PTPRG: variants seen among roughly 807,000 people sequenced by gnomAD.
The protein encoded by PTPRG is protein tyrosine phosphatase receptor type G, also known as receptor-type tyrosine-protein phosphatase gamma.
In PTPRG, 102 loss-of-function variants were observed where a neutral mutation model predicts 165.3. The observed-to-expected ratio is 0.62, with a 90% CI of 0.53 to 0.73. The LOEUF (loss-of-function observed/expected upper bound fraction) is 0.73, where lower values mean the gene tolerates loss of function less well. PTPRG is among the 30% of genes least tolerant of loss of function. The probability of loss-of-function intolerance (pLI) is 0.00; values close to 1 mark genes in which losing one functional copy is unlikely to be tolerated. For synonymous variants in PTPRG, 675 were observed against 669.5 expected, an observed-to-expected ratio of 1.01 and a Z score of -0.13; for missense variants, 1,866 against 1,861.4, an observed-to-expected ratio of 1.00 and a Z score of -0.05.
chr3:61,658,674 G>A (rs992262977), intron 1 of PTPRG, among the ~76,000 whole-genome samples: 2 of 152,042 alleles, frequency 1.3e-5, no homozygotes, highest in Non-Finnish European at 2.9e-5. Flanking sequence ...CAAGTTCTTT[G>A]CGAGTTAAGG....
intron 1 of PTPRG, among the ~76,000 whole-genome samples, chr3:61,732,508 C>T (rs969943113): frequency 1.3e-5 from 2 of 149,812 alleles, no homozygotes; most frequent in Non-Finnish European, 2.9e-5. Context: ...ACCCGGGAGG[C>T]GGAGCTTGCA....
chr3:62,065,340 C>T (rs917147602), intron 4 of PTPRG, among the ~76,000 whole-genome samples: 13 of 152,148 alleles, frequency 8.5e-5, no homozygotes, highest in Admixed American at 3.9e-4. Flanking sequence ...GGTTGTGTAC[C>T]GCATGAGACC....
At chr3:61,883,139 G>A (rs950232660) in intron 2 of PTPRG, among the ~76,000 whole-genome samples, 4 of 152,198 alleles carry the variant, frequency 2.6e-5, no homozygotes, top group African/African-American at 7.2e-5. Context: ...TGTCCTTGGG[G>A]ACTTTTTCCT....
At chr3:61,608,244 TAGGGAGAAGCTGAGCAGCA>T (rs1293091192) in intron 1 of PTPRG, among the ~76,000 whole-genome samples, 43 of 151,974 alleles carry the variant, frequency 2.8e-4, no homozygotes, top group Middle Eastern at 3.4e-3. Context: ...GCTGAGCAGC[TAGGGAGAAGCTGAGCAGCA>T]AGGGAGAAGC....
intron 1 of PTPRG, among the ~76,000 whole-genome samples, chr3:61,666,158 A>C (rs1183962278): frequency 6.6e-6 from 1 of 152,194 alleles, no homozygotes; most frequent in East Asian, 1.9e-4. Context: ...ATAAACTCCC[A>C]GATGCTCGAT....
At chr3:61,598,577 C>T (rs1017241433) in intron 1 of PTPRG, among the ~76,000 whole-genome samples, 1 of 152,120 alleles carries the variant, frequency 6.6e-6, no homozygotes, top group Admixed American at 6.5e-5. Context: ...GGGACCAGTG[C>T]CCAAGAGATG....
In PTPRG at chr3:62,049,120, C is replaced by CAA. The variant is rs200692890; in HGVS notation, c.520-29033_520-29032dup. Among the ~76,000 whole-genome samples the CAA allele has an allele frequency of 8.9e-3, 1,219 of 136,552 alleles. 18 individuals carry two copies. Among genetic ancestry groups the CAA allele is most frequent in the African/African-American group, 0.028 (1,083 of 38,554 alleles). 89.6% of individuals were successfully genotyped at this position (136,552 alleles called of 152,430 possible). On this transcript the variant is annotated intron_variant, in intron 4 of 29. Coordinates refer to ENST00000474889, the MANE Select transcript of PTPRG (RefSeq NM_002841.4). Reference sequence around the variant, plus strand: ...CCTAAAAAGTAAAAACAAAACAAAACAAAAAAAAAAACAGAAGCCGGGGAG... The same window carrying CAA: ...CCTAAAAAGTAAAAACAAAACAAAACAAAAAAAAAAAAACAGAAGCCGGGGAG...
Position 62,049,105 on chromosome 3 carries a change from A to G in PTPRG, c.520-29058A>G, listed in dbSNP as rs193152052. ...TAAGAAGGTGAAGATCCTAAAAAGT[A>G]AAAACAAAACAAAACAAAAAAAAAA... On this transcript the variant is annotated intron_variant, in intron 4 of 29. Transcript: ENST00000474889. Among the ~76,000 whole-genome samples the G allele has an allele frequency of 2.6e-4, 37 of 143,384 alleles. No homozygotes were observed. The East Asian group carries it at 7.6e-3, about 30-fold the overall frequency. The allele number at this position is 143,384 out of a possible 152,430, so 94.1% of individuals were successfully genotyped here. A position where few individuals can be genotyped will look rare whatever the true frequency, so the allele number is the denominator to read the frequency against.
At position 62,191,572 on chromosome 3, in the gene PTPRG, G is replaced by T; in HGVS notation, c.1137G>T (p.Met379Ile). 1 of 1,614,180 alleles carries T rather than the reference G, an allele frequency of 6.2e-7. No homozygotes were observed. The highest frequency in any genetic ancestry group is 1.3e-5 in the African/African-American group (1 of 75,046). ...QPETIYHPPI[M>I]NYMISYSWTK... ...AGACTATCTACCACCCACCCATCATGAACTACATGATCTCCTACAGCTGGA... is the reference window on the plus strand; with the variant it reads ...AGACTATCTACCACCCACCCATCATTAACTACATGATCTCCTACAGCTGGA... Residue 379 changes from methionine (M) to isoleucine (I), a missense_variant, in exon 9 of 30, where the codon ATG (methionine) becomes ATT (isoleucine). Physicochemically the swap from Met to Ile is conservative, Grantham distance 10. This residue lies in a region of PTPRG where 1,452 missense variants were observed against 1,463.0 expected (regional missense o/e 0.99). Transcript: ENST00000474889.
chr3:61,793,355 T>C (rs2034946630), intron 2 of PTPRG, among the ~76,000 whole-genome samples: 1 of 152,182 alleles, frequency 6.6e-6, no homozygotes, highest in Non-Finnish European at 1.5e-5. Context: ...GCATCTTTTC[T>C]GAGTTTGCTA....
At chr3:61,974,326 G>A (rs2040450911) in intron 2 of PTPRG, among the ~76,000 whole-genome samples, 2 of 152,000 alleles carry the variant, frequency 1.3e-5, no homozygotes, top group East Asian at 3.9e-4. Context: ...GGCTGAGGTG[G>A]GCAGATCACC....
chr3:61,830,710 G>C (rs1301130062), intron 2 of PTPRG, among the ~76,000 whole-genome samples: 1 of 151,808 alleles, frequency 6.6e-6, no homozygotes, highest in East Asian at 1.9e-4. Flanking sequence ...GAGTAGCTGG[G>C]ATTACAGGCA....
chr3:62,024,914 C>G (rs556469312), intron 4 of PTPRG, among the ~76,000 whole-genome samples: 1 of 152,072 alleles, frequency 6.6e-6, no homozygotes, highest in Non-Finnish European at 1.5e-5. Context: ...AATTATTTAC[C>G]ACATTTTCAG....
intron 1 of PTPRG, among the ~76,000 whole-genome samples, chr3:61,583,585 T>C (rs1404335004): frequency 6.6e-6 from 1 of 152,214 alleles, no homozygotes; most frequent in South Asian, 2.1e-4. Context: ...TTGCTACTCT[T>C]TGGGTATTGA....
intron 6 of PTPRG, 40 bp from the exon 7 acceptor site, chr3:62,157,027 C>T (rs1383040305): frequency 6.5e-7 from 1 of 1,541,012 alleles, no homozygotes; most frequent in East Asian, 2.3e-5. Flanking sequence ...AATGGCATGA[C>T]TTACCATTGT....
chr3:61,721,333 A>G (rs1160835628), intron 1 of PTPRG, among the ~76,000 whole-genome samples: 1 of 152,218 alleles, frequency 6.6e-6, no homozygotes, highest in Non-Finnish European at 1.5e-5. Flanking sequence ...TCAAGGATAC[A>G]GTGGCTTCCT....
chr3:61,802,057 T>A (rs1185581279), intron 2 of PTPRG, among the ~76,000 whole-genome samples: 1 of 149,796 alleles, frequency 6.7e-6, no homozygotes, highest in Non-Finnish European at 1.5e-5. Flanking sequence ...GTGTTTCAGG[T>A]CATGTCAGTT....
At chr3:61,752,421 A>C (rs2033468346) in intron 2 of PTPRG, among the ~76,000 whole-genome samples, 1 of 152,156 alleles carries the variant, frequency 6.6e-6, no homozygotes, top group Non-Finnish European at 1.5e-5. Context: ...AGTAATGTTG[A>C]ATATCTAGTA....
chr3:62,124,850 G>A (rs528931683), intron 5 of PTPRG, among the ~76,000 whole-genome samples: 44 of 152,270 alleles, frequency 2.9e-4, no homozygotes, highest in South Asian at 2.5e-3. Flanking sequence ...GAGCCACTGC[G>A]CATGGCCAGA....
Sources: allele counts gnomAD v4.1 joint callset (sites outside exome capture counted in the v4.1 genomes callset), GRCh38; gene constraint gnomAD v4.1.1; regional missense constraint gnomAD v4.1.1; transcripts MANE v1.5; gene names NCBI Gene and HGNC (gene_info 2026-07-23, HGNC 2026-07-21).